The following IL1RAPL1 variants were observed in gnomAD, a reference collection of about 807,000 sequenced individuals.
The protein encoded by IL1RAPL1 is interleukin 1 receptor accessory protein like 1, also known as interleukin-1 receptor accessory protein-like 1.
IL1RAPL1 carries 3 observed loss-of-function variants against 48.4 expected under a neutral mutation model. The ratio of observed to expected loss-of-function variants is 0.06; its 90% CI spans 0.03 to 0.16. The LOEUF (loss-of-function observed/expected upper bound fraction) is 0.16. Ranked by LOEUF, IL1RAPL1 falls within the 10% of genes least tolerant of loss-of-function variation. The pLI, the probability that IL1RAPL1 is intolerant of heterozygous loss-of-function variation, is 1.00. For synonymous variants in IL1RAPL1, 185 were observed against 187.7 expected (o/e 0.99, Z 0.12); for missense variants, 349 against 530.6 (o/e 0.66, Z 3.36).
intron 3 of IL1RAPL1, among the ~76,000 whole-genome samples, chrX:29,352,118 T>C (rs969560093): frequency 8.9e-6 from 1 of 112,511 alleles, no homozygotes; most frequent in East Asian, 2.8e-4. Flanking sequence ...TATGCTTATC[T>C]TTTATTTCTT....
intron 2 of IL1RAPL1, among the ~76,000 whole-genome samples, chrX:28,875,051 T>C (rs1922332763): frequency 8.9e-6 from 1 of 112,038 alleles, no homozygotes; most frequent in African/African-American, 3.2e-5. Context: ...TTGTGGATTT[T>C]CAGCAGTTAA....
intron 1 of IL1RAPL1, among the ~76,000 whole-genome samples, chrX:28,780,363 G>GTGTGTGTGTGTGTCTGTC (rs56989010): frequency 8.7e-5 from 8 of 91,458 alleles, no homozygotes; most frequent in East Asian, 3.8e-4. Context: ...GTGTGTGTGT[G>GTGTGTGTGTGTGTCTGTC]TGTCTGTCTG....
At chrX:29,731,241 CT>C (rs754004521) in intron 6 of IL1RAPL1, among the ~76,000 whole-genome samples, 2 of 112,198 alleles carry the variant, frequency 1.8e-5, no homozygotes, top group African/African-American at 3.2e-5. Context: ...TCCATCTAGT[CT>C]CACCAGGCCT....
chrX:28,680,268 T>G (rs1935044367), intron 1 of IL1RAPL1, among the ~76,000 whole-genome samples: 2 of 111,832 alleles, frequency 1.8e-5, no homozygotes, highest in African/African-American at 3.2e-5. Flanking sequence ...GATAGTTTGT[T>G]GTCAGTAGAT....
At chrX:29,715,503 T>C (rs1446706573) in intron 6 of IL1RAPL1, among the ~76,000 whole-genome samples, 1 of 111,829 alleles carries the variant, frequency 8.9e-6, no homozygotes, top group Non-Finnish European at 1.9e-5. Context: ...AGTGAGTGAC[T>C]GATTGCCACA....
At chrX:29,195,859 C>T (rs187896218) in intron 2 of IL1RAPL1, among the ~76,000 whole-genome samples, 2 of 111,709 alleles carry the variant, frequency 1.8e-5, no homozygotes, top group Admixed American at 9.6e-5. Flanking sequence ...CTGCACCCGG[C>T]CTATCTAACT....
At chrX:29,001,519 GA>G (rs1192872861) in intron 2 of IL1RAPL1, among the ~76,000 whole-genome samples, 1 of 110,967 alleles carries the variant, frequency 9.0e-6, no homozygotes, top group Non-Finnish European at 1.9e-5. Context: ...TTTCACAGAG[GA>G]AAAAAAATGG....
chrX:29,236,697 G>A (rs1302203288), intron 2 of IL1RAPL1, among the ~76,000 whole-genome samples: 2 of 103,317 alleles, frequency 1.9e-5, no homozygotes, highest in African/African-American at 7.1e-5. Context: ...CCAGTAGCTG[G>A]GACTACAGGC....
chrX:28,600,471 G>A (rs1934010306), intron 1 of IL1RAPL1, among the ~76,000 whole-genome samples: 1 of 102,619 alleles, frequency 9.7e-6, no homozygotes, highest in Admixed American at 1.1e-4. Context: ...GGTGGTTCAT[G>A]TGCCTGATTT....
At chrX:28,668,480 G>C (rs947166847) in intron 1 of IL1RAPL1, among the ~76,000 whole-genome samples, 1 of 112,804 alleles carries the variant, frequency 8.9e-6, no homozygotes, top group East Asian at 2.8e-4. Flanking sequence ...GGCTTGTCTC[G>C]AACTCCTGAC....
chrX:29,868,696 A>G (rs1601858772), intron 6 of IL1RAPL1, among the ~76,000 whole-genome samples: 1 of 112,596 alleles, frequency 8.9e-6, no homozygotes, highest in Non-Finnish European at 1.9e-5. Context: ...CAAGTGGACA[A>G]AATACTGCAT....
chrX:29,826,637 A>G (rs1389421437), intron 6 of IL1RAPL1, among the ~76,000 whole-genome samples: 5 of 111,534 alleles, frequency 4.5e-5, no homozygotes, highest in East Asian at 5.7e-4. Flanking sequence ...GGTATCGTAC[A>G]TGTGGTTTTT....
intron 1 of IL1RAPL1, among the ~76,000 whole-genome samples, chrX:28,605,750 C>T (rs1934076818): frequency 9.0e-6 from 1 of 111,667 alleles, no homozygotes; most frequent in South Asian, 3.7e-4. Context: ...GCCTACATTA[C>T]TTCCTTGATT....
At chrX:29,920,794 C>CAAAAAAAAAAAA (rs1176529100) in intron 8 of IL1RAPL1, among the ~76,000 whole-genome samples, 3 of 31,632 alleles carry the variant, frequency 9.5e-5, no homozygotes, top group African/African-American at 2.5e-4. Context: ...GACCCTGTCT[C>CAAAAAAAAAAAA]AAAAAAAAAA....
chrX:28,926,319 C>T (rs1287807421), intron 2 of IL1RAPL1, among the ~76,000 whole-genome samples: 1 of 111,444 alleles, frequency 9.0e-6, no homozygotes, highest in African/African-American at 3.3e-5. Context: ...AACATAACAA[C>T]TTGTTTTGAG....
chrX:29,221,244 T>C (rs1331772909), intron 2 of IL1RAPL1, among the ~76,000 whole-genome samples: 2 of 112,005 alleles, frequency 1.8e-5, no homozygotes, highest in African/African-American at 6.5e-5. Flanking sequence ...TTATCCAATG[T>C]TATTAGAATT....
At chrX:28,935,330 G>GTT (rs1360768569) in intron 2 of IL1RAPL1, among the ~76,000 whole-genome samples, 1 of 110,568 alleles carries the variant, frequency 9.0e-6, no homozygotes, top group Non-Finnish European at 1.9e-5. Context: ...TCCTTCCTTG[G>GTT]TTATATATAT....
rs772198197 is a variant in IL1RAPL1, at chrX:28,757,523, A to G, written c.-24-31797A>G. On this transcript the variant is annotated intron_variant, in intron 1 of 10. Coordinates refer to ENST00000378993, the MANE Select transcript of IL1RAPL1 (RefSeq NM_014271.4). ...TTGGAAAGTGAGGCCACAATGACAGATGTGACTTAGCAAGGATGGTGCAGC... is the reference window on the plus strand; with the variant it reads ...TTGGAAAGTGAGGCCACAATGACAGGTGTGACTTAGCAAGGATGGTGCAGC... 4.4e-5 allele frequency among the ~76,000 whole-genome samples: 5 copies of G among 112,472 alleles called. No individual in the cohort carries two copies. In the East Asian group the frequency reaches 1.4e-3, roughly 32 times the overall value.
chrX:28,921,878 A>G (rs949021592), intron 2 of IL1RAPL1, among the ~76,000 whole-genome samples: 10 of 112,199 alleles, frequency 8.9e-5, no homozygotes, highest in African/African-American at 3.2e-4. Flanking sequence ...AGTGGGCACA[A>G]CTAACACATG....
Sources: gnomAD v4.1 joint callset for allele counts (sites outside exome capture counted in the v4.1 genomes callset) on GRCh38, gnomAD v4.1.1 for gene constraint, MANE v1.5 for transcripts, NCBI Gene and HGNC (gene_info 2026-07-23, HGNC 2026-07-21) for gene names.